Variants in HDAC9 observed in about 807,000 individuals in gnomAD.
The protein encoded by HDAC9 is histone deacetylase 9.
In HDAC9, 41 loss-of-function variants were observed where a neutral mutation model predicts 139.4. That is an observed-to-expected ratio of 0.29 (90% confidence interval 0.23 to 0.38). HDAC9 has a LOEUF of 0.38. Ranked by LOEUF, HDAC9 falls within the 10% of genes least tolerant of loss-of-function variation. The probability of loss-of-function intolerance (pLI) is 1.00; values close to 1 mark genes in which losing one functional copy is unlikely to be tolerated. For missense variants in HDAC9, 1,147 were observed against 1,297.0 expected (o/e 0.88, Z 1.78); for synonymous variants, 517 against 476.2 (o/e 1.09, Z -1.12).
intron 2 of HDAC9, among the ~76,000 whole-genome samples, chr7:18,218,105 C>T (rs1178378): frequency 0.077 from 11,643 of 152,188 alleles, 877 homozygotes; most frequent in African/African-American, 0.19. Context: ...TGATCCAAGA[C>T]AGAGTAAAGT....
intron 2 of HDAC9, among the ~76,000 whole-genome samples, chr7:18,527,039 A>G (rs1221859159): frequency 6.6e-6 from 1 of 152,174 alleles, no homozygotes; most frequent in African/African-American, 2.4e-5. Flanking sequence ...TTTTACAAGA[A>G]TAATGGATAG....
intron 17 of HDAC9, among the ~76,000 whole-genome samples, chr7:18,817,544 T>C (rs1794664384): frequency 6.6e-6 from 1 of 152,240 alleles, no homozygotes; most frequent in African/African-American, 2.4e-5. Context: ...CCTGACCATG[T>C]TTCTGATTTC....
At chr7:18,214,510 T>C (rs1379604563) in intron 2 of HDAC9, among the ~76,000 whole-genome samples, 1 of 152,102 alleles carries the variant, frequency 6.6e-6, no homozygotes, top group Non-Finnish European at 1.5e-5. Context: ...CTGATGTGCT[T>C]TAAAAATAAT....
intron 13 of HDAC9, among the ~76,000 whole-genome samples, chr7:18,743,621 A>G (rs1001173967): frequency 6.6e-6 from 1 of 151,872 alleles, no homozygotes; most frequent in Non-Finnish European, 1.5e-5. Flanking sequence ...AAAAAAAAAA[A>G]TTGCAGATAG....
intron 22 of HDAC9, among the ~76,000 whole-genome samples, chr7:18,914,692 C>T (rs954488246): frequency 2.9e-5 from 4 of 137,282 alleles, no homozygotes; most frequent in Admixed American, 7.1e-5. Context: ...TTTCAATTTC[C>T]CACTTAACTT....
intron 1 of HDAC9, among the ~76,000 whole-genome samples, chr7:18,386,121 C>T (rs1283344858): frequency 6.6e-6 from 1 of 152,170 alleles, no homozygotes; most frequent in East Asian, 1.9e-4. Context: ...GCCATTCAGG[C>T]TCAGCTTAAC....
intron 11 of HDAC9, among the ~76,000 whole-genome samples, chr7:18,664,551 G>A (rs1029071672): frequency 6.6e-6 from 1 of 151,964 alleles, no homozygotes; most frequent in Non-Finnish European, 1.5e-5. Flanking sequence ...TGACTTAGAT[G>A]CGCTGGTCTC....
chr7:18,591,689 G>C (rs1040029310), intron 5 of HDAC9, 47 bp downstream of exon 5: 1 of 1,601,902 alleles, frequency 6.2e-7, no homozygotes. Context: ...AAAGAACACA[G>C]GTTCTGTATT....
At chr7:18,454,081 G>A (rs1294888888) in intron 1 of HDAC9, among the ~76,000 whole-genome samples, 1 of 152,032 alleles carries the variant, frequency 6.6e-6, no homozygotes, top group East Asian at 1.9e-4. Context: ...TTATAGAATT[G>A]CTAAAATTTT....
chr7:18,791,493 T>C (rs1478592504), intron 16 of HDAC9, among the ~76,000 whole-genome samples: 3 of 152,194 alleles, frequency 2.0e-5, no homozygotes, highest in African/African-American at 4.8e-5. Context: ...AAACAACTAC[T>C]TATTTATATT....
At chr7:18,418,801 A>C (rs1166752977) in intron 1 of HDAC9, among the ~76,000 whole-genome samples, 2 of 152,118 alleles carry the variant, frequency 1.3e-5, no homozygotes, top group African/African-American at 2.4e-5. Flanking sequence ...TAACTGGCAA[A>C]AGTACAAGAG....
At chr7:18,767,834 G>A (rs1789960643) in intron 16 of HDAC9, among the ~76,000 whole-genome samples, 1 of 152,092 alleles carries the variant, frequency 6.6e-6, no homozygotes, top group South Asian at 2.1e-4. Flanking sequence ...AGAACTAAGT[G>A]TTATGTTAGA....
At chr7:18,674,889 A>T (rs1164592149) in intron 12 of HDAC9, among the ~76,000 whole-genome samples, 2 of 151,992 alleles carry the variant, frequency 1.3e-5, no homozygotes, top group African/African-American at 2.4e-5. Flanking sequence ...TTTATTATTT[A>T]ACAGTACTCA....
At chr7:18,643,885 A>T (rs1342075816) in intron 8 of HDAC9, among the ~76,000 whole-genome samples, 1 of 152,048 alleles carries the variant, frequency 6.6e-6, no homozygotes, top group East Asian at 1.9e-4. Flanking sequence ...AGACCTTTGT[A>T]ACTCTTATTG....
intron 2 of HDAC9, among the ~76,000 whole-genome samples, chr7:18,246,871 G>T (rs1480346485): frequency 6.6e-6 from 1 of 152,090 alleles, no homozygotes; most frequent in Non-Finnish European, 1.5e-5. Flanking sequence ...GAACAGGGTA[G>T]CAAGAGTGAG....
chr7:18,938,943 G>A (rs1781841138), intron 23 of HDAC9, among the ~76,000 whole-genome samples: 1 of 152,172 alleles, frequency 6.6e-6, no homozygotes, highest in Admixed American at 6.5e-5. Flanking sequence ...GAAAGAGAAA[G>A]GAATAAAGGT....
chr7:18,996,036 C>T lies in HDAC9; in HGVS notation c.3184C>T (p.Pro1062Ser), dbSNP rs994080991. Residue 1062 changes from proline (P) to serine (S), a missense_variant, in exon 26 of 26, where the codon CCT (proline) becomes TCT (serine). Coordinates refer to ENST00000686413, the MANE Select transcript of HDAC9 (RefSeq NM_178425.4). ...AQEDSRTAGE[P>S]MEEEPAL ...TTATTTTTACAGAACTGCTGGTGAGCCTATGGAAGAGGAGCCAGCCTTGTG... is the reference window on the plus strand; with the variant it reads ...TTATTTTTACAGAACTGCTGGTGAGTCTATGGAAGAGGAGCCAGCCTTGTG... The T allele has an allele frequency of 6.2e-7, 1 of 1,604,214 alleles. No homozygotes were observed. The highest frequency in any genetic ancestry group is 1.7e-5 in the Admixed American group (1 of 58,850).
At chr7:18,211,894 G>T (rs1230594384) in intron 2 of HDAC9, among the ~76,000 whole-genome samples, 3 of 152,154 alleles carry the variant, frequency 2.0e-5, no homozygotes, top group African/African-American at 7.2e-5. Context: ...GGAGGGAAGG[G>T]GAGAGTGGGA....
chr7:18,755,589 A>C (rs898340438), intron 14 of HDAC9, among the ~76,000 whole-genome samples: 5 of 152,122 alleles, frequency 3.3e-5, no homozygotes, highest in African/African-American at 1.2e-4. Flanking sequence ...GAATAATTGC[A>C]ATGTAGGGGG....
Sources: allele counts gnomAD v4.1 joint callset (sites outside exome capture counted in the v4.1 genomes callset), GRCh38; gene constraint gnomAD v4.1.1; transcripts MANE v1.5; gene names NCBI Gene and HGNC (gene_info 2026-07-23, HGNC 2026-07-21).